Variants in CNTNAP2 observed in about 807,000 individuals in gnomAD.
CNTNAP2 encodes the protein contactin associated protein 2.
Under a neutral mutation model 155.2 loss-of-function variants are expected in CNTNAP2, and 98 were observed. The observed-to-expected ratio is 0.63, with a 90% CI of 0.54 to 0.75. The LOEUF (loss-of-function observed/expected upper bound fraction) is 0.75, where lower values mean the gene tolerates loss of function less well. CNTNAP2 is among the 30% of genes least tolerant of loss of function. The probability of loss-of-function intolerance (pLI) is 0.00; values close to 1 mark genes in which losing one functional copy is unlikely to be tolerated. For synonymous variants in CNTNAP2, 651 were observed against 631.2 expected, an observed-to-expected ratio of 1.03 and a Z score of -0.47; for missense variants, 1,727 against 1,688.1, an observed-to-expected ratio of 1.02 and a Z score of -0.40.
intron 1 of CNTNAP2, among the ~76,000 whole-genome samples, chr7:146,434,853 T>G (rs1461429957): frequency 6.6e-6 from 1 of 152,174 alleles, no homozygotes; most frequent in East Asian, 1.9e-4. Flanking sequence ...CAGTTCAGAG[T>G]GGATTGCAAT....
At chr7:147,086,041 A>G (rs551819815) in intron 4 of CNTNAP2, among the ~76,000 whole-genome samples, 9 of 152,310 alleles carry the variant, frequency 5.9e-5, no homozygotes, top group Admixed American at 4.6e-4. Context: ...GGGGCATGTC[A>G]CCAAAAGCAG....
rs568431216 is a variant in CNTNAP2 at position 147,988,755 on chromosome 7, C to T, written c.2383+10766C>T. Among the ~76,000 whole-genome samples, 6 of 152,278 alleles carry T rather than the reference C, an allele frequency of 3.9e-5. No homozygotes were observed. The South Asian group carries it at 1.2e-3, about 32-fold the overall frequency. ...GAGATTTCTCTGCAAATTGAATCCC[C>T]GTAATTTGGTTTCTCTGCTGAACTC... On this transcript the variant is annotated intron_variant, in intron 15 of 23. Coordinates refer to ENST00000361727, the MANE Select transcript of CNTNAP2 (RefSeq NM_014141.6).
rs1799438380 is a variant in CNTNAP2, at chr7:146,234,451, A to G, written c.97+117478A>G. Among the ~76,000 whole-genome samples, 4 of 151,708 alleles carry G rather than the reference A, an allele frequency of 2.6e-5. No homozygotes were observed. In the South Asian group the frequency reaches 8.4e-4, roughly 32 times the overall value. The stretch of plus-strand genomic sequence containing the variant: ...GATGGTAGTTTGTTTTGCTGTGCAG[A>G]AGCTTTTTAGTTTAATTAGATCCCA... On this transcript the variant is annotated intron_variant, in intron 1 of 23. Coordinates refer to ENST00000361727, the MANE Select transcript of CNTNAP2 (RefSeq NM_014141.6).
intron 11 of CNTNAP2, among the ~76,000 whole-genome samples, chr7:147,558,880 C>T (rs1800004471): frequency 6.6e-6 from 1 of 152,190 alleles, no homozygotes; most frequent in South Asian, 2.1e-4. Context: ...ATAGCTGGGA[C>T]AACAGGCATG....
intron 8 of CNTNAP2, among the ~76,000 whole-genome samples, chr7:147,258,511 A>G (rs546521311): frequency 6.6e-6 from 1 of 152,138 alleles, no homozygotes; most frequent in Admixed American, 6.6e-5. Flanking sequence ...ACAAGCACGT[A>G]TGATTGCAGC....
chr7:148,085,921 A>G (rs1803718929), intron 15 of CNTNAP2, among the ~76,000 whole-genome samples: 1 of 152,186 alleles, frequency 6.6e-6, no homozygotes, highest in South Asian at 2.1e-4. Flanking sequence ...GACACAGACA[A>G]CCATTTTTCA....
intron 13 of CNTNAP2, among the ~76,000 whole-genome samples, chr7:147,656,601 C>T (rs542664889): frequency 2.0e-5 from 3 of 152,124 alleles, no homozygotes; most frequent in Non-Finnish European, 4.4e-5. Context: ...TTGTCATCTT[C>T]TATGGGCACA....
chr7:147,033,201 T>TATATATAG, intron 3 of CNTNAP2, among the ~76,000 whole-genome samples: 1 of 122,698 alleles, frequency 8.2e-6, no homozygotes, highest in East Asian at 2.5e-4. Context: ...TATATATATA[T>TATATATAG]ATGGAATATG....
At chr7:146,886,353 C>T (rs1247010841) in intron 3 of CNTNAP2, among the ~76,000 whole-genome samples, 1 of 151,038 alleles carries the variant, frequency 6.6e-6, no homozygotes, top group Non-Finnish European at 1.5e-5. Flanking sequence ...ATTTGCCCTC[C>T]TACATTCTTT....
intron 9 of CNTNAP2, among the ~76,000 whole-genome samples, chr7:147,326,742 G>A (rs1353281862): frequency 6.6e-6 from 1 of 152,176 alleles, no homozygotes; most frequent in Admixed American, 6.5e-5. Context: ...AGCTCTTCTA[G>A]TGGGTGTGAA....
chr7:146,974,261 C>T (rs1797862346), intron 3 of CNTNAP2, among the ~76,000 whole-genome samples: 1 of 151,864 alleles, frequency 6.6e-6, no homozygotes, highest in East Asian at 1.9e-4. Context: ...GCCTGGCCAA[C>T]ATGGTGAAAC....
chr7:147,871,921 C>T (rs896111340), intron 13 of CNTNAP2, among the ~76,000 whole-genome samples: 2 of 152,162 alleles, frequency 1.3e-5, no homozygotes, highest in South Asian at 2.1e-4. Context: ...TTGGTTGGAG[C>T]CACTACCTCG....
intron 5 of CNTNAP2, among the ~76,000 whole-genome samples, chr7:147,115,517 T>A (rs948692643): frequency 6.6e-6 from 1 of 152,216 alleles, no homozygotes; most frequent in Non-Finnish European, 1.5e-5. Flanking sequence ...TGTTAATTCC[T>A]TTTCATTCTT....
At chr7:147,606,183 C>T (rs1801060668) in intron 12 of CNTNAP2, among the ~76,000 whole-genome samples, 1 of 152,168 alleles carries the variant, frequency 6.6e-6, no homozygotes, top group South Asian at 2.1e-4. Flanking sequence ...AACTCAGAAG[C>T]TTTACTTTCT....
intron 1 of CNTNAP2, among the ~76,000 whole-genome samples, chr7:146,759,475 G>A (rs1424992065): frequency 2.6e-5 from 4 of 151,858 alleles, no homozygotes; most frequent in South Asian, 4.2e-4. Context: ...TGGGCAGATC[G>A]CCAGGTCAGA....
intron 1 of CNTNAP2, among the ~76,000 whole-genome samples, chr7:146,581,136 C>T (rs891503305): frequency 6.6e-6 from 1 of 152,094 alleles, no homozygotes; most frequent in South Asian, 2.1e-4. Context: ...TGCCACAAAA[C>T]ATACGGACCC....
intron 15 of CNTNAP2, among the ~76,000 whole-genome samples, chr7:147,988,197 A>G (rs1196805353): frequency 2.0e-5 from 3 of 152,218 alleles, no homozygotes; most frequent in Non-Finnish European, 4.4e-5. Context: ...TGGAATGTTC[A>G]TGTTAAGATA....
At chr7:147,981,451 G>A (rs953820935) in intron 15 of CNTNAP2, among the ~76,000 whole-genome samples, 8 of 152,170 alleles carry the variant, frequency 5.3e-5, no homozygotes, top group African/African-American at 1.9e-4. Context: ...GTCATTTACT[G>A]AAGTCTGTTC....
intron 13 of CNTNAP2, among the ~76,000 whole-genome samples, chr7:147,864,808 A>G (rs1279808109): frequency 6.6e-6 from 1 of 152,204 alleles, no homozygotes; most frequent in Non-Finnish European, 1.5e-5. Flanking sequence ...GTTGCTTATC[A>G]GCTTAAGGAG....
Sources: allele counts gnomAD v4.1 joint callset (sites outside exome capture counted in the v4.1 genomes callset), GRCh38; gene constraint gnomAD v4.1.1; transcripts MANE v1.5; gene names NCBI Gene and HGNC (gene_info 2026-07-23, HGNC 2026-07-21).